The following PTPRT variants were observed in gnomAD, a reference collection of about 807,000 sequenced individuals.
The protein encoded by PTPRT is protein tyrosine phosphatase receptor type T.
In PTPRT, 56 loss-of-function variants were observed where a neutral mutation model predicts 176.8. The observed-to-expected ratio is 0.32, with a 90% CI of 0.26 to 0.40. The LOEUF (loss-of-function observed/expected upper bound fraction) is 0.40, where lower values mean the gene tolerates loss of function less well. PTPRT is among the 10% of genes least tolerant of loss of function. The pLI is 1.00. For synonymous variants in PTPRT, 783 were observed against 739.0 expected, an observed-to-expected ratio of 1.06 and a Z score of -0.96; for missense variants, 1,540 against 1,908.2, an observed-to-expected ratio of 0.81 and a Z score of 3.60.
At chr20:42,669,269 C>A (rs537312409) in intron 7 of PTPRT, among the ~76,000 whole-genome samples, 1 of 152,264 alleles carries the variant, frequency 6.6e-6, no homozygotes, top group African/African-American at 2.4e-5. Context: ...ACTGCACAAG[C>A]AACTATGTCC....
chr20:42,871,553 C>T (rs2078846783), intron 2 of PTPRT, among the ~76,000 whole-genome samples: 1 of 152,176 alleles, frequency 6.6e-6, no homozygotes, highest in South Asian at 2.1e-4. Context: ...AAATCGCTGC[C>T]AAATCCAACA....
At chr20:43,155,109 T>C (rs2014480938) in intron 1 of PTPRT, among the ~76,000 whole-genome samples, 1 of 152,124 alleles carries the variant, frequency 6.6e-6, no homozygotes. Flanking sequence ...GAAATGTAAA[T>C]TAGTACAGAC....
At chr20:43,032,387 C>T (rs1166645536) in intron 1 of PTPRT, among the ~76,000 whole-genome samples, 1 of 149,984 alleles carries the variant, frequency 6.7e-6, no homozygotes, top group African/African-American at 2.5e-5. Context: ...ATAAGGGCTG[C>T]TTTGAGGTCC....
intron 1 of PTPRT, among the ~76,000 whole-genome samples, chr20:43,141,647 A>C (rs1418044873): frequency 6.6e-6 from 1 of 152,238 alleles, no homozygotes; most frequent in Admixed American, 6.5e-5. Flanking sequence ...ACAGTGTTGC[A>C]TTGCAAGGGT....
intron 12 of PTPRT, among the ~76,000 whole-genome samples, chr20:42,303,499 G>A (rs1177720949): frequency 6.6e-6 from 1 of 152,192 alleles, no homozygotes; most frequent in Non-Finnish European, 1.5e-5. Flanking sequence ...AAACGGAGCA[G>A]TAAATGCATA....
At chr20:42,097,838 G>A (rs910859109) in intron 27 of PTPRT, among the ~76,000 whole-genome samples, 5 of 152,232 alleles carry the variant, frequency 3.3e-5, no homozygotes, top group Non-Finnish European at 5.9e-5. Flanking sequence ...TACACGTCCT[G>A]TGTCCTGAGT....
At chr20:42,887,442 C>A (rs1046793268) in intron 1 of PTPRT, among the ~76,000 whole-genome samples, 1 of 152,182 alleles carries the variant, frequency 6.6e-6, no homozygotes, top group Non-Finnish European at 1.5e-5. Flanking sequence ...TGTGAGAAAT[C>A]AATTTCTGTT....
chr20:42,808,900 C>T (rs1420162789), intron 2 of PTPRT, among the ~76,000 whole-genome samples: 2 of 152,186 alleles, frequency 1.3e-5, no homozygotes, highest in African/African-American at 4.8e-5. Flanking sequence ...GCCCGCACCC[C>T]TGCAGGGGCT....
At chr20:42,849,283 T>C (rs917238833) in intron 2 of PTPRT, among the ~76,000 whole-genome samples, 1 of 152,206 alleles carries the variant, frequency 6.6e-6, no homozygotes, top group Non-Finnish European at 1.5e-5. Flanking sequence ...TCCCACTTTC[T>C]CTTAAATGAC....
chr20:42,539,428 A>C lies in PTPRT; in HGVS notation c.1154-66866T>G, dbSNP rs183667976. Among the ~76,000 whole-genome samples the C allele has an allele frequency of 2.0e-5, 3 of 150,132 alleles. No homozygotes were observed. In the East Asian group the frequency reaches 5.9e-4, roughly 29 times the overall value. ...GTTAGTACTTGAATGGGAAACCATC[A>C]CTTTCTTGATCTCTCATTGCTTAAA... On this transcript the variant is annotated intron_variant, in intron 7 of 30. Coordinates refer to ENST00000373187, the MANE Select transcript of PTPRT (RefSeq NM_007050.6).
At chr20:42,762,086 T>C (rs752626629) in intron 5 of PTPRT, among the ~76,000 whole-genome samples, 5 of 152,240 alleles carry the variant, frequency 3.3e-5, no homozygotes, top group Non-Finnish European at 7.3e-5. Flanking sequence ...CCTAGCATTC[T>C]GGAAATCTTG....
chr20:43,178,959 T>C (rs887639311), intron 1 of PTPRT, among the ~76,000 whole-genome samples: 2 of 152,188 alleles, frequency 1.3e-5, no homozygotes, highest in Non-Finnish European at 2.9e-5. Flanking sequence ...CCATCATACA[T>C]TGGTGCCTCT....
At chr20:42,124,902 A>G (rs1433588685) in intron 19 of PTPRT, among the ~76,000 whole-genome samples, 2 of 152,058 alleles carry the variant, frequency 1.3e-5, no homozygotes, top group Non-Finnish European at 2.9e-5. Context: ...GGATCGCGCC[A>G]TGGGCTCCTA....
chr20:42,696,467 T>TTA (rs1266732844), intron 6 of PTPRT, among the ~76,000 whole-genome samples: 24 of 151,214 alleles, frequency 1.6e-4, no homozygotes, highest in African/African-American at 5.9e-4. Flanking sequence ...TATTTTTTTT[T>TTA]TTTTTTGAGA....
At chr20:42,234,633 G>A (rs6102742) in intron 15 of PTPRT, among the ~76,000 whole-genome samples, 1 of 152,346 alleles carries the variant, frequency 6.6e-6, no homozygotes, top group South Asian at 2.1e-4. Flanking sequence ...GTTTCTAATA[G>A]GTGACGTTAT....
At chr20:42,690,465 G>A (rs2075774627) in intron 6 of PTPRT, among the ~76,000 whole-genome samples, 1 of 152,170 alleles carries the variant, frequency 6.6e-6, no homozygotes, top group Admixed American at 6.5e-5. Context: ...TGGGTTGGGA[G>A]ACTGAAAGGA....
At chr20:42,191,215 G>C (rs1331033374) in intron 16 of PTPRT, among the ~76,000 whole-genome samples, 1 of 151,940 alleles carries the variant, frequency 6.6e-6, no homozygotes, top group Non-Finnish European at 1.5e-5. Context: ...GGCAAGCAGG[G>C]TCAAACCTAA....
At chr20:43,174,168 C>A (rs545661540) in intron 1 of PTPRT, among the ~76,000 whole-genome samples, 2 of 152,258 alleles carry the variant, frequency 1.3e-5, no homozygotes, top group African/African-American at 4.8e-5. Flanking sequence ...CAAAGTAAGC[C>A]AGACAGAGAG....
At chr20:42,251,074 T>C (rs1438970664) in intron 13 of PTPRT, among the ~76,000 whole-genome samples, 1 of 152,232 alleles carries the variant, frequency 6.6e-6, no homozygotes, top group East Asian at 1.9e-4. Flanking sequence ...GAGATGTGGC[T>C]AATCCACAAT....
Sources: gnomAD v4.1 joint callset for allele counts (sites outside exome capture counted in the v4.1 genomes callset) on GRCh38, gnomAD v4.1.1 for gene constraint, MANE v1.5 for transcripts, NCBI Gene and HGNC (gene_info 2026-07-23, HGNC 2026-07-21) for gene names.